The following MOK variants were observed in gnomAD, a reference collection of about 807,000 sequenced individuals.
MOK encodes MOK protein kinase, also known as MAPK/MAK/MRK overlapping kinase.
Under a neutral mutation model 54.2 loss-of-function variants are expected in MOK, and 59 were observed. The observed-to-expected ratio is 1.09, with a 90% CI of 0.88 to 1.35. MOK has a LOEUF of 1.35. Among genes scored for constraint, MOK ranks in the 40% most tolerant of loss-of-function variants. The pLI is 0.00. For missense variants in MOK, 517 were observed against 526.2 expected, an observed-to-expected ratio of 0.98 and a Z score of 0.17; for synonymous variants, 210 against 202.7, an observed-to-expected ratio of 1.04 and a Z score of -0.31.
rs1200607485 is a variant in MOK at position 102,249,201 on chromosome 14, C to T, written c.590+1611G>A. Reference sequence around the variant, plus strand: ...GTTTTCTAAGAGGCAAAAGACAGATCCACATTCCGTCATCTGTTCAGCATG... The same window carrying T: ...GTTTTCTAAGAGGCAAAAGACAGATTCACATTCCGTCATCTGTTCAGCATG... On this transcript the variant is annotated intron_variant, in intron 7 of 11. Coordinates refer to ENST00000361847, the MANE Select transcript of MOK (RefSeq NM_014226.3). The surrounding 1 kb of genome is among the most constrained non-coding windows in gnomAD (Gnocchi z 5.3). Among the ~76,000 whole-genome samples, 2 of 152,156 alleles carry T rather than the reference C, an allele frequency of 1.3e-5. No individual in the cohort carries two copies. Among genetic ancestry groups the T allele is most frequent in the Non-Finnish European group, 2.9e-5 (2 of 68,034 alleles).
chr14:102,219,613 G>C (rs532927864), downstream of MOK, among the ~76,000 whole-genome samples: 177 of 152,334 alleles, frequency 1.2e-3, 2 homozygotes, highest in African/African-American at 4.2e-3. Flanking sequence ...TTGCTCTGAC[G>C]GGCGGGCTCC....
At chr14:102,270,963 G>A (rs1383682722) in intron 2 of MOK, among the ~76,000 whole-genome samples, 5 of 152,144 alleles carry the variant, frequency 3.3e-5, no homozygotes, top group African/African-American at 9.7e-5. Flanking sequence ...AGGCCGAGAC[G>A]GGTGGATAAC....
chr14:102,266,985 A>G (rs1001523624), intron 2 of MOK, among the ~76,000 whole-genome samples: 1 of 152,196 alleles, frequency 6.6e-6, no homozygotes, highest in Non-Finnish European at 1.5e-5. Context: ...AAATCATGCC[A>G]AAACAGTGCA....
At chr14:102,229,680 T>C (rs1480137754) in intron 10 of MOK, 23 bp from the exon 11 acceptor site, 2 of 1,567,378 alleles carry the variant, frequency 1.3e-6, no homozygotes, top group African/African-American at 1.4e-5. Flanking sequence ...CAGAGGCCAG[T>C]TGGACATAAA....
At chr14:102,251,252 C>T (rs2066504366) in intron 6 of MOK, among the ~76,000 whole-genome samples, 2 of 152,210 alleles carry the variant, frequency 1.3e-5, no homozygotes, top group Non-Finnish European at 2.9e-5. Context: ...AACTGGTTAA[C>T]CCATTGGCGC....
At chr14:102,214,830 ATTG>A in the MOK span, 1 of 981,592 alleles carries the variant, frequency 1.0e-6, no homozygotes, top group Non-Finnish European at 1.2e-6. Flanking sequence ...TAGTATCAGT[ATTG>A]TTTTATAATT....
At chr14:102,299,616 TC>T (rs2071926556) in intron 1 of MOK, among the ~76,000 whole-genome samples, 1 of 152,156 alleles carries the variant, frequency 6.6e-6, no homozygotes, top group South Asian at 2.1e-4. Flanking sequence ...AACAGGGTCT[TC>T]CTTTGACATC....
At chr14:102,252,065 A>G (rs888464493) in intron 4 of MOK, 70 bp from the exon 5 acceptor site, 4 of 903,540 alleles carry the variant, frequency 4.4e-6, no homozygotes, top group South Asian at 1.5e-5. Context: ...AATAAAAATA[A>G]TCTATTTTTA....
Position 102,259,702 on chromosome 14 carries a change from G to A in MOK, c.283+3844C>T, listed in dbSNP as rs141748762. On this transcript the variant is annotated intron_variant, in intron 4 of 11. Coordinates refer to ENST00000361847, the MANE Select transcript of MOK (RefSeq NM_014226.3). ...TTACTAGGTATATAACCTTGGACAA[G>A]CAACTTATCTCCCCATGCCTCAATG... Among the ~76,000 whole-genome samples, 590 of 152,262 alleles carry A rather than the reference G, an allele frequency of 3.9e-3. 5 individuals carry two copies. The highest frequency in any genetic ancestry group is 0.013 in the African/African-American group (554 of 41,544).
chr14:102,232,520 C>G lies in MOK; in HGVS notation c.866+15G>C. On this transcript the variant is annotated intron_variant, in intron 9 of 11. Coordinates refer to ENST00000361847, the MANE Select transcript of MOK (RefSeq NM_014226.3). This position sits in a 1 kb window ranked among gnomAD's most constrained non-coding sequence, Gnocchi z 5.1. ...GGTCCTGCATCTGCCCCACCGAACC[C>G]ACGAGAGTGCCTACCTCTGTTCTTG... The G allele has an allele frequency of 6.2e-7, 1 of 1,607,930 alleles. No individual in the cohort carries two copies. Among genetic ancestry groups the G allele is most frequent in the Non-Finnish European group, 8.5e-7 (1 of 1,175,622 alleles).
Position 102,275,092 on chromosome 14 carries a change from A to G in MOK, c.122+8386T>C, listed in dbSNP as rs548907173. ...TAATGACAGTCAAAGAGAGCAATGA[A>G]ACAGAATAGAGAGTCCAAAACAGAC... On this transcript the variant is annotated intron_variant, in intron 2 of 11. Coordinates refer to ENST00000361847, the MANE Select transcript of MOK (RefSeq NM_014226.3). Among the ~76,000 whole-genome samples, 5 of 152,342 alleles carry G rather than the reference A, an allele frequency of 3.3e-5. No individual in the cohort carries two copies. The South Asian group carries it at 1.0e-3, about 32-fold the overall frequency.
intron 1 of MOK, among the ~76,000 whole-genome samples, chr14:102,301,924 T>C (rs1444216451): frequency 6.6e-6 from 1 of 152,168 alleles, no homozygotes; most frequent in Non-Finnish European, 1.5e-5. Context: ...TTTTTTCTTG[T>C]ATTTTTTGGT....
downstream of MOK, among the ~76,000 whole-genome samples, chr14:102,222,503 C>T (rs1352425336): frequency 6.6e-6 from 1 of 152,230 alleles, no homozygotes; most frequent in Non-Finnish European, 1.5e-5. The surrounding 1 kb of genome is among the most constrained non-coding windows in gnomAD (Gnocchi z 4.4). Flanking sequence ...GGCACCTGCA[C>T]CTTTGGGTCA....
rs781503586 is a variant in MOK at position 102,304,988 on chromosome 14, G to C, written c.-20C>G. ...CTTCATCTTGGATGCGGAAGCCGGT[G>C]ACAACCCCTTGCCGACACTGGACGG... On this transcript the variant is annotated 5_prime_UTR_variant, in exon 1 of 12. Transcript: ENST00000361847. 1 of 1,610,282 alleles carries C rather than the reference G, an allele frequency of 6.2e-7. No individual in the cohort carries two copies.
downstream of MOK, among the ~76,000 whole-genome samples, chr14:102,220,735 AAAG>A (rs2063791335): frequency 6.6e-6 from 1 of 151,528 alleles, no homozygotes; most frequent in Admixed American, 6.6e-5. The surrounding 1 kb of genome is among the most constrained non-coding windows in gnomAD (Gnocchi z 4.2). Flanking sequence ...AAAAAAAAAA[AAAG>A]AAAATATTAA....
chr14:102,254,247 C>T (rs1015118786), intron 4 of MOK, among the ~76,000 whole-genome samples: 112 of 152,324 alleles, frequency 7.4e-4, no homozygotes, highest in African/African-American at 2.4e-3. Flanking sequence ...CTCGGCCTCC[C>T]GAAGTGCTGG....
intron 1 of MOK, among the ~76,000 whole-genome samples, chr14:102,288,386 C>T (rs557843300): frequency 6.6e-6 from 1 of 152,306 alleles, no homozygotes; most frequent in Admixed American, 6.5e-5. Context: ...CATGCTACAG[C>T]ATGGATGAGC....
chr14:102,298,905 C>T (rs1338126735), intron 1 of MOK, among the ~76,000 whole-genome samples: 2 of 152,196 alleles, frequency 1.3e-5, no homozygotes, highest in African/African-American at 4.8e-5. Flanking sequence ...AGATGCGCCG[C>T]CTTCAGAGCG....
At position 102,240,099 on chromosome 14, in the gene MOK, T is replaced by A. The variant is rs2153096457; in HGVS notation, c.591-6310A>T. ...AATTCCTTCTCCTGGCTCAGAAGCT[T>A]CCACACTGAGCACCTTGTGATCCCC... On this transcript the variant is annotated intron_variant, in intron 7 of 11. Coordinates refer to ENST00000361847, the MANE Select transcript of MOK (RefSeq NM_014226.3). This position sits in a 1 kb window ranked among gnomAD's most constrained non-coding sequence, Gnocchi z 5.4. Among the ~76,000 whole-genome samples the A allele has an allele frequency of 6.6e-6, 1 of 152,080 alleles. No individual in the cohort carries two copies. Among genetic ancestry groups the A allele is most frequent in the African/African-American group, 2.4e-5 (1 of 41,492 alleles).
Sources: gnomAD v4.1 joint callset for allele counts (sites outside exome capture counted in the v4.1 genomes callset) on GRCh38, gnomAD v4.1.1 for gene constraint, Gnocchi (gnomAD v3.1) non-coding constraint, MANE v1.5 for transcripts, NCBI Gene and HGNC (gene_info 2026-07-23, HGNC 2026-07-21) for gene names.